Variants in PAX2 observed in about 807,000 individuals in gnomAD.
PAX2 encodes paired box 2.
Under a neutral mutation model 41.7 loss-of-function variants are expected in PAX2, and 9 were observed. That is an observed-to-expected ratio of 0.22 (90% CI 0.13 to 0.38). The LOEUF (loss-of-function observed/expected upper bound fraction) is 0.38, where lower values mean the gene tolerates loss of function less well. Ranked by LOEUF, PAX2 falls within the 10% of genes least tolerant of loss-of-function variation. The pLI, the probability that PAX2 is intolerant of heterozygous loss-of-function variation, is 1.00. For missense variants in PAX2, 418 were observed against 531.6 expected (o/e 0.79, Z 2.10); for synonymous variants, 221 against 212.7 (o/e 1.04, Z -0.34).
In PAX2 at chr10:100,791,090, T is replaced by C. The variant is rs1847098603; in HGVS notation, c.616+9725T>C. Among the ~76,000 whole-genome samples the C allele has an allele frequency of 6.6e-6, 1 of 152,178 alleles. No homozygotes were observed. Among genetic ancestry groups the C allele is most frequent in the South Asian group, 2.1e-4 (1 of 4,828 alleles). ...TCCCTCCCTCCCATTCTTGGAGCCC[T>C]GTGGCCCATCCTCCAGGTGGCTCCT... On this transcript the variant is annotated intron_variant, in intron 5 of 9. Coordinates refer to ENST00000355243, the MANE Select transcript of PAX2 (RefSeq NM_000278.5). This position sits in a 1 kb window ranked among gnomAD's most constrained non-coding sequence, Gnocchi z 4.5.
At chr10:100,754,373 C>A (rs1845556941) in intron 3 of PAX2, among the ~76,000 whole-genome samples, 3 of 152,154 alleles carry the variant, frequency 2.0e-5, no homozygotes, top group Non-Finnish European at 4.4e-5. Flanking sequence ...CACCTTCTAA[C>A]TTTTTTAGCT....
At chr10:100,806,750 G>A (rs1010567719) in intron 6 of PAX2, 145 bp downstream of exon 6, 15 of 781,188 alleles carry the variant, frequency 1.9e-5, no homozygotes, top group South Asian at 1.2e-4. Context: ...GTGTGAACAG[G>A]CTCACATGAG....
At chr10:100,787,305 T>C (rs1444784165) in intron 5 of PAX2, among the ~76,000 whole-genome samples, 1 of 152,056 alleles carries the variant, frequency 6.6e-6, no homozygotes, top group Non-Finnish European at 1.5e-5. Context: ...GCAGATCGGG[T>C]AGTAAAACAA....
At chr10:100,798,028 G>A (rs1379552091) in intron 5 of PAX2, among the ~76,000 whole-genome samples, 6 of 151,268 alleles carry the variant, frequency 4.0e-5, no homozygotes, top group Admixed American at 4.0e-4. Flanking sequence ...CCCAGGGCTA[G>A]AAGGCTGGGC....
chr10:100,769,624 A>AAAAAT (rs1206434445), intron 3 of PAX2, among the ~76,000 whole-genome samples: 2,643 of 81,124 alleles, frequency 0.033, 110 homozygotes, highest in African/African-American at 0.099. Context: ...CCATCTCAAA[A>AAAAAT]AGAATAAAAT....
In PAX2 at chr10:100,781,371, G is replaced by C. The variant is rs180903301; in HGVS notation, c.616+6G>C. ...GAAGAGGAAACGTGATGAAGGTAGG[G>C]AGGAGGGAAGAGGTGTGGCTTCCCC... On this transcript the variant is annotated splice_donor_region_variant and intron_variant, in intron 5 of 9. Transcript: ENST00000355243. The C allele has an allele frequency of 4.1e-5, 66 of 1,614,076 alleles. 1 individual carries two copies. In the Middle Eastern group the frequency reaches 1.3e-3, roughly 32 times the overall value.
chr10:100,736,337 T>C (rs1044826270), intron 1 of PAX2, among the ~76,000 whole-genome samples: 1 of 151,898 alleles, frequency 6.6e-6, no homozygotes, highest in Non-Finnish European at 1.5e-5. Flanking sequence ...GCTAAGGGAG[T>C]AGAGTGTTGC....
Position 100,809,234 on chromosome 10 carries a change from C to G in PAX2, c.917C>G (p.Thr306Ser). Residue 306 changes from threonine (T) to serine (S), a missense_variant and splice_region_variant, in exon 7 of 10, where the codon ACT becomes AGT. Coordinates refer to ENST00000355243, the MANE Select transcript of PAX2 (RefSeq NM_000278.5). ...VSGTQTYPVV[T>S]GRDMASTTLP... ...GGCACACAGACATACCCAGTTGTGA[C>G]TGGTAAGGGGGCTTCCAGGAGGGTG... The G allele has an allele frequency of 6.2e-7, 1 of 1,613,480 alleles. No homozygotes were observed. The highest frequency in any genetic ancestry group is 8.5e-7 in the Non-Finnish European group (1 of 1,179,772).
rs1290804449 is a variant in PAX2, at chr10:100,828,324, C to G, written c.*705C>G. On this transcript the variant is annotated 3_prime_UTR_variant, in exon 10 of 10. Transcript: ENST00000355243. The surrounding 1 kb of genome is among the most constrained non-coding windows in gnomAD (Gnocchi z 6.5). ...GGGACCCAAGGATCGGGGGGCCCAGCAGCCCGCACCGATCGAGCCGGACTC... is the reference window on the plus strand; with the variant it reads ...GGGACCCAAGGATCGGGGGGCCCAGGAGCCCGCACCGATCGAGCCGGACTC... 4 of 232,328 alleles carry G rather than the reference C, an allele frequency of 1.7e-5. No individual in the cohort carries two copies. In the South Asian group the frequency reaches 7.2e-4, roughly 42 times the overall value. 14.4% of individuals were successfully genotyped at this position (232,328 alleles called of 1,614,324 possible). A position where few individuals can be genotyped will look rare whatever the true frequency, so the allele number is the denominator to read the frequency against.
upstream of PAX2, among the ~76,000 whole-genome samples, chr10:100,743,147 G>A (rs1366862541): frequency 6.6e-6 from 1 of 152,078 alleles, no homozygotes; most frequent in Admixed American, 6.5e-5. Context: ...AGCTAGTGCA[G>A]TGCTGGGGAG....
At chr10:100,789,884 T>A (rs1006650273) in intron 5 of PAX2, among the ~76,000 whole-genome samples, 2 of 152,250 alleles carry the variant, frequency 1.3e-5, no homozygotes, top group East Asian at 1.9e-4. Context: ...TATGTCATTA[T>A]CCAGAGGTAG....
chr10:100,746,697 T>C (rs1243374057), intron 1 of PAX2, among the ~76,000 whole-genome samples: 2 of 152,168 alleles, frequency 1.3e-5, no homozygotes, highest in Non-Finnish European at 2.9e-5. Context: ...GTTGTTTTGT[T>C]GTTTTCTCTG....
intron 3 of PAX2, among the ~76,000 whole-genome samples, chr10:100,762,288 A>G (rs1845867883): frequency 6.6e-6 from 1 of 151,906 alleles, no homozygotes; most frequent in Non-Finnish European, 1.5e-5. Flanking sequence ...TCTGCTGTCC[A>G]CACCGGGGTT....
chr10:100,774,159 C>CT (rs1416238052), intron 3 of PAX2, among the ~76,000 whole-genome samples: 2 of 152,170 alleles, frequency 1.3e-5, no homozygotes, highest in Admixed American at 6.5e-5. Context: ...AGGTGGAGCG[C>CT]TTCTCTCTTT....
intron 1 of PAX2, chr10:100,749,467 T>C (rs1845350082): frequency 7.8e-7 from 1 of 1,279,724 alleles, no homozygotes; most frequent in Non-Finnish European, 9.8e-7. Flanking sequence ...CCCTCTTTTC[T>C]GTCATCTGGT....
intron 5 of PAX2, among the ~76,000 whole-genome samples, chr10:100,799,629 T>G (rs1847469148): frequency 1.3e-5 from 2 of 152,134 alleles, no homozygotes; most frequent in South Asian, 4.1e-4. Flanking sequence ...ATTTTGCCTC[T>G]CTAAGACTAT....
Position 100,735,437 on chromosome 10 carries a change from T to C in PAX2, c.-272T>C, listed in dbSNP as rs552507138. On this transcript the variant is annotated 5_prime_UTR_variant, in exon 1 of 10. Coordinates refer to the PAX2 transcript ENST00000679374. ...TGCTTGCCTGCGGCTGGCTGGGGCC[T>C]CGGTGCGTGTGCACGCGTGTGCGCG... Among the ~76,000 whole-genome samples, 28 of 152,290 alleles carry C rather than the reference T, an allele frequency of 1.8e-4. 1 individual carries two copies. In the East Asian group the frequency reaches 5.4e-3, roughly 29 times the overall value.
rs569776615 is a variant in PAX2 at position 100,819,389 on chromosome 10, T to C, written c.920-5259T>C. 2.4e-4 allele frequency among the ~76,000 whole-genome samples: 37 copies of C among 151,792 alleles called. No homozygotes were observed. In the East Asian group the frequency reaches 6.8e-3, roughly 28 times the overall value. ...TTGGAGACCAGCCTGGCCAACATAG[T>C]GAAACCCCGTCTCTACTAAAAAATA... On this transcript the variant is annotated intron_variant, in intron 7 of 9. Transcript: ENST00000355243.
At chr10:100,785,388 C>T (rs187749327) in intron 5 of PAX2, among the ~76,000 whole-genome samples, 2 of 152,272 alleles carry the variant, frequency 1.3e-5, no homozygotes, top group Non-Finnish European at 2.9e-5. Flanking sequence ...GTGTTGGGAT[C>T]ATCCTTTGAG....
Sources: allele counts gnomAD v4.1 joint callset (sites outside exome capture counted in the v4.1 genomes callset), GRCh38; gene constraint gnomAD v4.1.1; non-coding constraint Gnocchi (gnomAD v3.1); transcripts MANE v1.5; gene names NCBI Gene and HGNC (gene_info 2026-07-23, HGNC 2026-07-21).